SPTB: variants seen among roughly 807,000 people sequenced by gnomAD.
SPTB encodes spectrin beta chain, erythrocytic.
Under a neutral mutation model 256.2 loss-of-function variants are expected in SPTB, and 45 were observed. The ratio of observed to expected loss-of-function variants is 0.18; its 90% confidence interval spans 0.14 to 0.23. SPTB has a LOEUF of 0.23. SPTB is among the 10% of genes least tolerant of loss of function. The pLI, the probability that SPTB is intolerant of heterozygous loss-of-function variation, is 1.00. For synonymous variants in SPTB, 1,231 were observed against 1,243.1 expected, an observed-to-expected ratio of 0.99 and a Z score of 0.21; for missense variants, 2,715 against 3,040.4, an observed-to-expected ratio of 0.89 and a Z score of 2.52.
At position 64,785,478 on chromosome 14, in the gene SPTB, G is replaced by A. The variant is rs574130908; in HGVS notation, c.3855+59C>T. On this transcript the variant is annotated intron_variant, in intron 18 of 35. Transcript: ENST00000644917. This position sits in a 1 kb window ranked among gnomAD's most constrained non-coding sequence, Gnocchi z 4.4. The stretch of plus-strand genomic sequence containing the variant: ...TCCCTGTGGACTTCCTGCCTTGAGG[G>A]AACTCTGCTTCTAGAAAGGAATCTC... 13 of 1,481,140 alleles carry A rather than the reference G, an allele frequency of 8.8e-6. No homozygotes were observed. In the East Asian group the frequency reaches 2.8e-4, roughly 32 times the overall value. The allele number at this position is 1,481,140 out of a possible 1,614,324, so 91.7% of individuals were successfully genotyped here. A position where few individuals can be genotyped will look rare whatever the true frequency, so the allele number is the denominator to read the frequency against.
intron 32 of SPTB, among the ~76,000 whole-genome samples, chr14:64,765,893 A>G (rs1187058269): frequency 7.4e-5 from 9 of 121,546 alleles, no homozygotes; most frequent in African/African-American, 2.3e-4. Flanking sequence ...CGGTGTGTGC[A>G]TGTGTGTGTG....
In SPTB at chr14:64,786,853, G is replaced by A. The variant is rs760088579; in HGVS notation, c.3112C>T (p.His1038Tyr). ...QKEDIGQRQKHLEELWQGLQQ... is the reference protein window; with the variant it reads ...QKEDIGQRQKYLEELWQGLQQ... Reference sequence around the variant, plus strand: ...AGGCCCTGCCACAGCTCCTCCAAGTGTTTTTGCCGCTGACCAATATCCTCC... The same window carrying A: ...AGGCCCTGCCACAGCTCCTCCAAGTATTTTTGCCGCTGACCAATATCCTCC... Residue 1038 changes from histidine to tyrosine, a missense_variant, in exon 16 of 36, where the codon CAC becomes TAC. Around this residue, in one of 4 missense-constraint regions of SPTB, gnomAD observed 2,239 missense variants for 2,384.4 expected, o/e 0.94. Coordinates refer to ENST00000644917, the MANE Select transcript of SPTB (RefSeq NM_001355436.2). This position sits in a 1 kb window ranked among gnomAD's most constrained non-coding sequence, Gnocchi z 5.6. The A allele has an allele frequency of 1.7e-5, 28 of 1,613,346 alleles. No individual in the cohort carries two copies. Among genetic ancestry groups the A allele is most frequent in the African/African-American group, 6.7e-5 (5 of 74,910 alleles).
chr14:64,839,328 A>G (rs764589697), intron 1 of SPTB, among the ~76,000 whole-genome samples: 2 of 152,212 alleles, frequency 1.3e-5, no homozygotes, highest in African/African-American at 4.8e-5. Context: ...TGGACTCAAC[A>G]GGCTGCTCAC....
intron 2 of SPTB, among the ~76,000 whole-genome samples, chr14:64,811,191 T>C (rs1418535322): frequency 2.0e-5 from 3 of 152,158 alleles, no homozygotes; most frequent in African/African-American, 7.2e-5. Context: ...ACATACATTA[T>C]AAAGGGCTAA....
intron 1 of SPTB, among the ~76,000 whole-genome samples, chr14:64,854,012 C>A (rs1399542667): frequency 6.6e-6 from 1 of 151,930 alleles, no homozygotes; most frequent in African/African-American, 2.4e-5. Context: ...GCCAAAATGG[C>A]AAAACCCCGG....
rs1055683777 is a variant in SPTB, at chr14:64,790,062, A to C, written c.2804+1657T>G. 6.6e-6 allele frequency among the ~76,000 whole-genome samples: 1 copy of C among 152,238 alleles called. No homozygotes were observed. Among genetic ancestry groups the C allele is most frequent in the African/African-American group, 2.4e-5 (1 of 41,468 alleles). ...CAATATGTACGCATTTCAAGGAGGC[A>C]GATTTCCACTCAATGGAAGAGCAAA... On this transcript the variant is annotated intron_variant, in intron 15 of 35. Coordinates refer to ENST00000644917, the MANE Select transcript of SPTB (RefSeq NM_001355436.2). The surrounding 1 kb of genome is among the most constrained non-coding windows in gnomAD (Gnocchi z 4.8).
rs1229533628 is a variant in SPTB, at chr14:64,785,645, AG to A, written c.3765-19del. The A allele has an allele frequency of 6.2e-7, 1 of 1,614,032 alleles. No homozygotes were observed. The highest frequency in any genetic ancestry group is 1.3e-5 in the African/African-American group (1 of 75,050). ...TCCTGTGCCTGGAAAGGAAGCCAAA[AG>A]CACAGTCACAATAGTGCCGAGCTTG... On this transcript the variant is annotated intron_variant, in intron 17 of 35. Coordinates refer to ENST00000644917, the MANE Select transcript of SPTB (RefSeq NM_001355436.2). This position sits in a 1 kb window ranked among gnomAD's most constrained non-coding sequence, Gnocchi z 4.4.
rs2082696658 is a variant in SPTB at position 64,792,756 on chromosome 14, A to G, written c.2666+241T>C. On this transcript the variant is annotated intron_variant, in intron 14 of 35. Coordinates refer to ENST00000644917, the MANE Select transcript of SPTB (RefSeq NM_001355436.2). The surrounding 1 kb of genome is among the most constrained non-coding windows in gnomAD (Gnocchi z 4.2). ...GACTGCTATTGCTGAAAAGTAATTG[A>G]ATAACTGGACTAGATAAATTCCCTT... Among the ~76,000 whole-genome samples the G allele has an allele frequency of 6.6e-6, 1 of 152,200 alleles. No individual in the cohort carries two copies. The highest frequency in any genetic ancestry group is 2.4e-5 in the African/African-American group (1 of 41,446).
intron 1 of SPTB, among the ~76,000 whole-genome samples, chr14:64,849,465 A>G (rs1215391940): frequency 6.6e-6 from 1 of 152,260 alleles, no homozygotes; most frequent in Admixed American, 6.5e-5. Flanking sequence ...AGATAGGGAC[A>G]ATGGCAAAAA....
rs902395486 is a variant in SPTB, at chr14:64,793,264, T to C, written c.2399A>G (p.Glu800Gly). ...EELEESRGVM[E>G]HLEQQAQGFP... ...TCCCTGGGCCTGCTGCTCCAGGTGC[T>C]CCATCACCCCACGGCTCTCCTCCAG... Residue 800 changes from glutamate to glycine, a missense_variant, in exon 14 of 36, where the codon GAG becomes GGG. Physicochemically the swap from Glu to Gly is moderately conservative, Grantham distance 98. Transcript: ENST00000644917. The surrounding 1 kb of genome is among the most constrained non-coding windows in gnomAD (Gnocchi z 7.0). 6.2e-7 allele frequency: 1 copy of C among 1,607,340 alleles called. No individual in the cohort carries two copies. Among genetic ancestry groups the C allele is most frequent in the African/African-American group, 1.3e-5 (1 of 75,012 alleles).
intron 25 of SPTB, 63 bp downstream of exon 25, chr14:64,773,157 G>T: frequency 1.2e-6 from 2 of 1,603,588 alleles, no homozygotes; most frequent in South Asian, 1.1e-5. Context: ...TGTCTTGAGT[G>T]ACGGCTGGCT....
At chr14:64,803,344 A>G (rs907170681) in intron 4 of SPTB, among the ~76,000 whole-genome samples, 1 of 152,196 alleles carries the variant, frequency 6.6e-6, no homozygotes, top group Non-Finnish European at 1.5e-5. Flanking sequence ...TTCCAGCCAG[A>G]TATCAACCCA....
At position 64,844,152 on chromosome 14, in the gene SPTB, G is replaced by A. The variant is rs140505543; in HGVS notation, c.-51-21007C>T. 5.3e-4 allele frequency among the ~76,000 whole-genome samples: 80 copies of A among 152,216 alleles called. No homozygotes were observed. Among genetic ancestry groups the A allele is most frequent in the Non-Finnish European group, 9.3e-4 (63 of 68,024 alleles). ...GGTAGAGAATCTTCACGAAGAATGT[G>A]ATGGCCATGATCTCCAAGAGTGCTT... On this transcript the variant is annotated intron_variant, in intron 1 of 35. Coordinates refer to ENST00000644917, the MANE Select transcript of SPTB (RefSeq NM_001355436.2). This position sits in a 1 kb window ranked among gnomAD's most constrained non-coding sequence, Gnocchi z 4.1.
At position 64,774,516 on chromosome 14, in the gene SPTB, G is replaced by T. The variant is rs767257742; in HGVS notation, c.4854C>A (p.Gly1618=). The T allele has an allele frequency of 9.0e-6, 14 of 1,553,568 alleles. No homozygotes were observed. Among genetic ancestry groups the T allele is most frequent in the Middle Eastern group, 1.7e-4 (1 of 5,992 alleles). The change falls in exon 24 of 36, where the codon GGC becomes GGA. Residue 1618 remains glycine, a synonymous_variant. Transcript: ENST00000644917. ...ISDEIPKDEE[G]AIVMLKRHLR... is the part of the protein sequence containing the mutation. ...AATGTCGCTTCAGCATCACAATGGC[G>T]CCCTCTTCATCCTAGGAGGCAGCAG...
chr14:64,879,575 G>C (rs1883010235), intron 1 of SPTB, among the ~76,000 whole-genome samples: 2 of 152,192 alleles, frequency 1.3e-5, no homozygotes, highest in South Asian at 4.1e-4. Flanking sequence ...GCGTTCCCGC[G>C]TCCCGGGATG....
In SPTB at chr14:64,777,445, T is replaced by C. The variant is rs1247192260; in HGVS notation, c.4563+1712A>G. Among the ~76,000 whole-genome samples the C allele has an allele frequency of 6.6e-6, 1 of 152,148 alleles. No individual in the cohort carries two copies. Among genetic ancestry groups the C allele is most frequent in the Non-Finnish European group, 1.5e-5 (1 of 68,010 alleles). On this transcript the variant is annotated intron_variant, in intron 22 of 35. Transcript: ENST00000644917. The surrounding 1 kb of genome is among the most constrained non-coding windows in gnomAD (Gnocchi z 4.5). ...GAGGTGAGACCTGGGCATTCATCTG[T>C]CTAAAAGTTCCCTAGGTGATGTGAG...
Position 64,772,980 on chromosome 14 carries a change from G to T in SPTB, c.5179-26C>A, listed in dbSNP as rs754189933. On this transcript the variant is annotated intron_variant, in intron 25 of 35. Transcript: ENST00000644917. This position sits in a 1 kb window ranked among gnomAD's most constrained non-coding sequence, Gnocchi z 5.4. ...CTAGGCATGGGGCAGACAGAAATGTGGTTATGGGGGGCACAGGGGTTACAG... is the reference window on the plus strand; with the variant it reads ...CTAGGCATGGGGCAGACAGAAATGTTGTTATGGGGGGCACAGGGGTTACAG... 1 of 1,591,948 alleles carries T rather than the reference G, an allele frequency of 6.3e-7. No homozygotes were observed. The highest frequency in any genetic ancestry group is 8.5e-7 in the Non-Finnish European group (1 of 1,171,890).
chr14:64,789,240 T>C (rs772643839), intron 15 of SPTB, among the ~76,000 whole-genome samples: 4 of 152,080 alleles, frequency 2.6e-5, no homozygotes, highest in Non-Finnish European at 5.9e-5. Flanking sequence ...TAGCATTAGC[T>C]ACACAGGAGA....
chr14:64,769,180 C>A, intron 28 of SPTB, 62 bp from the exon 29 acceptor site: 2 of 1,462,570 alleles, frequency 1.4e-6, no homozygotes, highest in Non-Finnish European at 1.9e-6. Context: ...TGAGGCAGTG[C>A]GCAGATGGGT....
Sources: gnomAD v4.1 joint callset for allele counts (sites outside exome capture counted in the v4.1 genomes callset) on GRCh38, gnomAD v4.1.1 for gene constraint, gnomAD v4.1.1 regional missense constraint, Gnocchi (gnomAD v3.1) non-coding constraint, MANE v1.5 for transcripts, NCBI Gene and HGNC (gene_info 2026-07-23, HGNC 2026-07-21) for gene names.